Variants in ANKRD16 observed in about 807,000 individuals in gnomAD.
ANKRD16 encodes the protein ankyrin repeat domain 16, also known as ankyrin repeat domain-containing protein 16.
Under a neutral mutation model 37.9 loss-of-function variants are expected in ANKRD16, and 35 were observed. The ratio of observed to expected loss-of-function variants is 0.92; its 90% CI spans 0.71 to 1.23. The LOEUF (loss-of-function observed/expected upper bound fraction) is 1.23. Among genes scored for constraint, ANKRD16 ranks in the 50% most tolerant of loss-of-function variants. ANKRD16 has a pLI of 0.00. For missense variants in ANKRD16, 480 were observed against 469.9 expected, an observed-to-expected ratio of 1.02 and a Z score of -0.20; for synonymous variants, 206 against 197.2, an observed-to-expected ratio of 1.04 and a Z score of -0.37.
chr10:5,864,148 A>G lies in ANKRD16; in HGVS notation c.*34-1457T>C, dbSNP rs1841981862. ...GAAGGCAAATGGAGTGAAATACCTTATGTCCAAGCTTTCTTTTAAGGAGAA... is the reference window on the plus strand; with the variant it reads ...GAAGGCAAATGGAGTGAAATACCTTGTGTCCAAGCTTTCTTTTAAGGAGAA... On this transcript the variant is annotated intron_variant, in intron 7 of 7. Coordinates refer to ENST00000380094, the MANE Select transcript of ANKRD16 (RefSeq NM_019046.3). The surrounding 1 kb of genome is among the most constrained non-coding windows in gnomAD (Gnocchi z 4.4). Among the ~76,000 whole-genome samples the G allele has an allele frequency of 6.6e-6, 1 of 152,116 alleles. No homozygotes were observed. The highest frequency in any genetic ancestry group is 2.4e-5 in the African/African-American group (1 of 41,372).
Position 5,878,245 on chromosome 10 carries a change from T to C in ANKRD16, c.971A>G (p.Lys324Arg), listed in dbSNP as rs1388639664. Reference protein sequence around the residue: ...ACAGQHLACAKFLLQSGLKDS... With the variant: ...ACAGQHLACARFLLQSGLKDS... ...CTTCAGTCCCGACTGCAGGAGAAAC[T>C]TGGCACAGGCCAAGTGCTGACCTGC... The change falls in exon 7 of 8, where the codon AAG becomes AGG. Residue 324 changes from lysine to arginine, a missense_variant. By Grantham distance (26) the Lys-to-Arg change is conservative (BLOSUM62 2). Coordinates refer to ENST00000380094, the MANE Select transcript of ANKRD16 (RefSeq NM_019046.3). This position sits in a 1 kb window ranked among gnomAD's most constrained non-coding sequence, Gnocchi z 5.1. The C allele has an allele frequency of 1.2e-6, 2 of 1,613,952 alleles. No individual in the cohort carries two copies. Among genetic ancestry groups the C allele is most frequent in the Non-Finnish European group, 1.7e-6 (2 of 1,180,022 alleles).
At chr10:5,880,223 T>A (rs811561) in intron 6 of ANKRD16, 75 bp downstream of exon 6, 400,637 of 451,774 alleles carry the variant, frequency 0.89, 179,348 homozygotes, top group Admixed American at 0.91. Flanking sequence ...ATTAAAATCA[T>A]TGTTTTAAAT....
chr10:5,884,775 G>A (rs1490619619), intron 3 of ANKRD16, among the ~76,000 whole-genome samples: 3 of 149,298 alleles, frequency 2.0e-5, no homozygotes, highest in Non-Finnish European at 3.0e-5. Flanking sequence ...TCCTCAATGT[G>A]GCTGATAGCA....
At chr10:5,880,175 TAAAAAAAAAAAAA>T (rs56264154) in intron 6 of ANKRD16, 110 bp downstream of exon 6, 22 of 112,582 alleles carry the variant, frequency 2.0e-4, no homozygotes, top group East Asian at 6.6e-4. Context: ...CCACCACCAC[TAAAAAAAAAAAAA>T]AAAAAAAAAA....
In ANKRD16 at chr10:5,878,989, CTT is replaced by C. The variant is rs1325821101; in HGVS notation, c.929-704_929-703del. Among the ~76,000 whole-genome samples, 1 of 152,122 alleles carries C rather than the reference CTT, an allele frequency of 6.6e-6. No individual in the cohort carries two copies. Among genetic ancestry groups the C allele is most frequent in the Non-Finnish European group, 1.5e-5 (1 of 68,018 alleles). Reference sequence around the variant, plus strand: ...AAATAATCACGTAGCCAAAAAAACACTTTTGAACAAGCTTCCCACTCTGGGTG... The same window carrying C: ...AAATAATCACGTAGCCAAAAAAACACTTGAACAAGCTTCCCACTCTGGGTG... On this transcript the variant is annotated intron_variant, in intron 6 of 7. Transcript: ENST00000380094. This position sits in a 1 kb window ranked among gnomAD's most constrained non-coding sequence, Gnocchi z 5.1.
chr10:5,884,772 T>C (rs998621918), intron 3 of ANKRD16, among the ~76,000 whole-genome samples: 10 of 145,584 alleles, frequency 6.9e-5, no homozygotes, highest in African/African-American at 7.6e-5. Flanking sequence ...AAATCCTCAA[T>C]GTGGCTGATA....
At chr10:5,880,066 T>C (rs1842263603) in intron 6 of ANKRD16, among the ~76,000 whole-genome samples, 1 of 148,352 alleles carries the variant, frequency 6.7e-6, no homozygotes, top group Non-Finnish European at 1.5e-5. Context: ...GGCTGAGACA[T>C]GAGAATCACT....
At chr10:5,875,024 A>G (rs922273322) in intron 7 of ANKRD16, among the ~76,000 whole-genome samples, 1 of 152,172 alleles carries the variant, frequency 6.6e-6, no homozygotes, top group Non-Finnish European at 1.5e-5. Context: ...AAGGGCTAAA[A>G]GTACATCACT....
intron 7 of ANKRD16, among the ~76,000 whole-genome samples, chr10:5,867,163 A>T (rs2131753464): frequency 6.6e-6 from 1 of 152,342 alleles, no homozygotes; most frequent in East Asian, 1.9e-4. Context: ...GCCTGAAAGT[A>T]CTGAGGCCAC....
At position 5,862,600 on chromosome 10, in the gene ANKRD16, G is replaced by T; in HGVS notation, c.*125C>A. On this transcript the variant is annotated 3_prime_UTR_variant, in exon 8 of 8. Transcript: ENST00000380094. The surrounding 1 kb of genome is among the most constrained non-coding windows in gnomAD (Gnocchi z 6.5). ...CTGGGGTCAAACGTAGGTGGCTGCG[G>T]TTGGTTGAACTCAGGTTCAGGATGA... 1 of 1,288,828 alleles carries T rather than the reference G, an allele frequency of 7.8e-7. No homozygotes were observed. 79.8% of individuals were successfully genotyped at this position (1,288,828 alleles called of 1,614,324 possible). A position where few individuals can be genotyped will look rare whatever the true frequency, so the allele number is the denominator to read the frequency against.
intron 2 of ANKRD16, 78 bp downstream of exon 2, chr10:5,887,769 G>T (rs1297271669): frequency 7.8e-7 from 1 of 1,276,006 alleles, no homozygotes; most frequent in Admixed American, 2.4e-5. Flanking sequence ...AAGGTGACCT[G>T]AACAAGATGC....
chr10:5,884,001 C>G lies in ANKRD16; in HGVS notation c.655G>C (p.Asp219His), dbSNP rs151156745. 4 of 1,614,110 alleles carry G rather than the reference C, an allele frequency of 2.5e-6. No individual in the cohort carries two copies. The South Asian group carries it at 4.4e-5, about 18-fold the overall frequency. Residue 219 changes from aspartate (D) to histidine (H), a missense_variant, in exon 4 of 8, where the codon GAC becomes CAC. Physicochemically the swap from Asp to His is moderately conservative, Grantham distance 81. Coordinates refer to ENST00000380094, the MANE Select transcript of ANKRD16 (RefSeq NM_019046.3). ...LMDAIQCGHI[D>H]VARLLLDEHG... is the part of the protein sequence containing the mutation. ...TCATCGAGGAGCAGCCTAGCGACGT[C>G]GATGTGCCCACACTGGATTGCGTCC...
At chr10:5,867,617 C>T (rs1476786570) in intron 7 of ANKRD16, among the ~76,000 whole-genome samples, 1 of 152,150 alleles carries the variant, frequency 6.6e-6, no homozygotes, top group Non-Finnish European at 1.5e-5. Context: ...ATTATCCTAA[C>T]CTCTAATCTT....
chr10:5,880,211 A>G, intron 6 of ANKRD16, 87 bp downstream of exon 6: 1 of 405,800 alleles, frequency 2.5e-6, no homozygotes, highest in South Asian at 5.2e-5. Flanking sequence ...AAAAGGAAGA[A>G]TATTAAAATC....
intron 2 of ANKRD16, among the ~76,000 whole-genome samples, chr10:5,887,517 G>C (rs1842444567): frequency 6.6e-6 from 1 of 152,100 alleles, no homozygotes. Context: ...CCAGTAGCTG[G>C]GATTACAAGC....
At chr10:5,882,724 A>T in intron 5 of ANKRD16, 1 of 243,036 alleles carries the variant, frequency 4.1e-6, no homozygotes, top group Non-Finnish European at 8.0e-6. Flanking sequence ...GGGTATTTAT[A>T]GCTTCAAATA....
In ANKRD16 at chr10:5,881,438, TTATA is replaced by T. The variant is rs869185709; in HGVS notation, c.850-1066_850-1063del. ...ATATTTTATAAAATAAAAATATTAT[TTATA>T]TATATATATATATATATATATATAT... On this transcript the variant is annotated intron_variant, in intron 5 of 7. Transcript: ENST00000380094. Among the ~76,000 whole-genome samples, 303 of 50,938 alleles carry T rather than the reference TTATA, an allele frequency of 5.9e-3. 2 individuals are homozygous for T. The highest frequency in any genetic ancestry group is 0.018 in the African/African-American group (246 of 13,528). 33.4% of individuals were successfully genotyped at this position (50,938 alleles called of 152,430 possible).
chr10:5,882,637 A>G (rs1485686704), intron 5 of ANKRD16: 1 of 163,122 alleles, frequency 6.1e-6, no homozygotes, highest in Non-Finnish European at 1.3e-5. Flanking sequence ...AGTAAATGCA[A>G]TTCTCTTGCC....
intron 4 of ANKRD16, 82 bp downstream of exon 4, chr10:5,883,887 G>A (rs894597096): frequency 8.1e-7 from 1 of 1,240,654 alleles, no homozygotes; most frequent in East Asian, 2.4e-5. Context: ...CCTGGGATCT[G>A]AGTAACAATG....
Sources: gnomAD v4.1 joint callset for allele counts (sites outside exome capture counted in the v4.1 genomes callset) on GRCh38, gnomAD v4.1.1 for gene constraint, Gnocchi (gnomAD v3.1) non-coding constraint, MANE v1.5 for transcripts, NCBI Gene and HGNC (gene_info 2026-07-23, HGNC 2026-07-21) for gene names.